Variants in ARFGEF1 observed in about 807,000 individuals in gnomAD.
ARFGEF1 encodes the protein ARF guanine nucleotide exchange factor 1.
Under a neutral mutation model 231.0 loss-of-function variants are expected in ARFGEF1, and 42 were observed. The observed-to-expected ratio is 0.18, with a 90% CI of 0.14 to 0.24. The LOEUF (loss-of-function observed/expected upper bound fraction) is 0.24, where lower values mean the gene tolerates loss of function less well. Among genes scored for constraint, ARFGEF1 ranks in the 10% least tolerant of loss-of-function variants. The pLI is 1.00. For synonymous variants in ARFGEF1, 710 were observed against 732.3 expected (o/e 0.97, Z 0.49); for missense variants, 1,345 against 2,192.0 (o/e 0.61, Z 7.72).
At chr8:67,189,009 G>A (rs1002141013) in intron 5 of ARFGEF1, among the ~76,000 whole-genome samples, 1 of 152,126 alleles carries the variant, frequency 6.6e-6, no homozygotes, top group Non-Finnish European at 1.5e-5. Context: ...CCACCATCTT[G>A]GGAGTTCTAA....
Position 67,198,115 on chromosome 8 carries a change from T to G in ARFGEF1, c.*819A>C. ...ATCTTTAAAAGTCCTAAGAGAAATA[T>G]GTGACAGGTAGTTACTGTCAGTAGG... On this transcript the variant is annotated 3_prime_UTR_variant, in exon 39 of 39. Transcript: ENST00000262215. 1.0e-6 allele frequency: 1 copy of G among 985,810 alleles called. No homozygotes were observed. The highest frequency in any genetic ancestry group is 1.2e-6 in the Non-Finnish European group (1 of 829,920). 61.1% of individuals were successfully genotyped at this position (985,810 alleles called of 1,614,324 possible).
At chr8:67,185,063 C>G (rs540524503) in intron 5 of ARFGEF1, among the ~76,000 whole-genome samples, 2 of 150,518 alleles carry the variant, frequency 1.3e-5, no homozygotes, top group East Asian at 3.9e-4. Context: ...TGAGATCGCA[C>G]CACTGCACTC....
chr8:67,248,412 GTGC>G (rs1663868672), intron 19 of ARFGEF1, among the ~76,000 whole-genome samples: 1 of 150,288 alleles, frequency 6.7e-6, no homozygotes, highest in Non-Finnish European at 1.5e-5. Flanking sequence ...TCAATAAACA[GTGC>G]TGGGAAAACT....
chr8:67,270,186 G>A (rs547558636), intron 10 of ARFGEF1, among the ~76,000 whole-genome samples: 19 of 152,176 alleles, frequency 1.2e-4, no homozygotes, highest in Admixed American at 7.2e-4. Flanking sequence ...CTAGTTAAAC[G>A]CCTTGTATTA....
downstream of ARFGEF1, chr8:67,195,326 A>G: frequency 1.8e-6 from 2 of 1,083,632 alleles, no homozygotes; most frequent in Non-Finnish European, 2.9e-6. Flanking sequence ...ACCTGCGCTT[A>G]TGTCTCCTGC....
chr8:67,310,430 G>A (rs1358937826), intron 1 of ARFGEF1, among the ~76,000 whole-genome samples: 2 of 152,160 alleles, frequency 1.3e-5, no homozygotes, highest in African/African-American at 2.4e-5. Flanking sequence ...GTGCAGTGGC[G>A]TGATCTCGGC....
At position 67,302,161 on chromosome 8, in the gene ARFGEF1, C is replaced by T. The variant is rs532346222; in HGVS notation, c.155+275G>A. On this transcript the variant is annotated intron_variant, in intron 2 of 38. Coordinates refer to ENST00000262215, the MANE Select transcript of ARFGEF1 (RefSeq NM_006421.5). ...TTGCAGTGAGCTGTGATCACACCAC[C>T]GCACTCCAGCCTGGACAACAGAGCG... Among the ~76,000 whole-genome samples the T allele has an allele frequency of 4.6e-5, 7 of 151,868 alleles. No individual in the cohort carries two copies. In the South Asian group the frequency reaches 8.3e-4, roughly 18 times the overall value.
chr8:67,321,449 T>G (rs1461688701), intron 1 of ARFGEF1, among the ~76,000 whole-genome samples: 1 of 151,634 alleles, frequency 6.6e-6, no homozygotes, highest in African/African-American at 2.4e-5. Flanking sequence ...AGAACTTCTG[T>G]TTTTTTTGTT....
rs1265506152 is a variant in ARFGEF1 at position 67,211,058 on chromosome 8, C to CA, written c.4819+424dup. On this transcript the variant is annotated intron_variant, in intron 34 of 38. Transcript: ENST00000262215. Reference sequence around the variant, plus strand: ...GACTCCGTCTCAAAAAAAAAAAAAACAAAAGTGGCCGGGCATAGTGGCTCA... The same window carrying CA: ...GACTCCGTCTCAAAAAAAAAAAAAACAAAAAGTGGCCGGGCATAGTGGCTCA... Among the ~76,000 whole-genome samples, 3 of 109,620 alleles carry CA rather than the reference C, an allele frequency of 2.7e-5. No individual in the cohort carries two copies. In the East Asian group the frequency reaches 8.3e-4, roughly 30 times the overall value. The allele number at this position is 109,620 out of a possible 152,430, so 71.9% of individuals were successfully genotyped here. A position where few individuals can be genotyped will look rare whatever the true frequency, so the allele number is the denominator to read the frequency against.
intron 28 of ARFGEF1, among the ~76,000 whole-genome samples, 198 bp from the exon 29 acceptor site, chr8:67,225,231 C>T (rs1476744660): frequency 1.3e-5 from 2 of 152,098 alleles, no homozygotes; most frequent in South Asian, 2.1e-4. Flanking sequence ...AACATAACTG[C>T]CTATAAAGAG....
intron 26 of ARFGEF1, 64 bp from the exon 27 acceptor site, chr8:67,227,373 T>G (rs1839409962): frequency 3.1e-6 from 5 of 1,597,590 alleles, no homozygotes; most frequent in Non-Finnish European, 4.3e-6. Context: ...TTTTCCCCCT[T>G]TCTTCTGTTT....
chr8:67,240,769 T>TTC (rs1424808567), intron 19 of ARFGEF1, among the ~76,000 whole-genome samples: 40 of 152,322 alleles, frequency 2.6e-4, no homozygotes, highest in African/African-American at 9.1e-4. Context: ...ATATTTTACA[T>TTC]TGAGACATCA....
rs774433086 is a variant in ARFGEF1 at position 67,257,830 on chromosome 8, T to C, written c.2442-14A>G. The C allele has an allele frequency of 1.6e-5, 26 of 1,586,786 alleles. 1 individual carries two copies. In the East Asian group the frequency reaches 2.2e-4, roughly 14 times the overall value. On this transcript the variant is annotated splice_polypyrimidine_tract_variant and intron_variant, in intron 16 of 38. Coordinates refer to ENST00000262215, the MANE Select transcript of ARFGEF1 (RefSeq NM_006421.5). ...AAGAGAGTTTGTCTGGAAAAATAAA[T>C]GTATCATGTTATAAACTTCTACTGT...
downstream of ARFGEF1, among the ~76,000 whole-genome samples, chr8:67,193,889 C>T (rs1837125094): frequency 6.6e-6 from 1 of 152,188 alleles, no homozygotes; most frequent in Non-Finnish European, 1.5e-5. Context: ...AAAGAAAATG[C>T]TATATGATAA....
At chr8:67,233,348 A>G (rs1839614487) in intron 22 of ARFGEF1, among the ~76,000 whole-genome samples, 2 of 151,952 alleles carry the variant, frequency 1.3e-5, no homozygotes, top group East Asian at 3.9e-4. Flanking sequence ...CTAGTCCCCT[A>G]TTTACAAAGG....
Position 67,198,680 on chromosome 8 carries a change from G to C in ARFGEF1, c.*254C>G. The C allele has an allele frequency of 1.7e-6, 2 of 1,190,704 alleles. No homozygotes were observed. The highest frequency in any genetic ancestry group is 2.3e-5 in the South Asian group (1 of 43,224). The allele number at this position is 1,190,704 out of a possible 1,614,324, so 73.8% of individuals were successfully genotyped here. On this transcript the variant is annotated 3_prime_UTR_variant, in exon 39 of 39. Coordinates refer to ENST00000262215, the MANE Select transcript of ARFGEF1 (RefSeq NM_006421.5). ...GGCTTTTCCTGCCGTGGAAGACAGG[G>C]AAGGACCCGTGAGCATGAGCTGACA...
intron 29 of ARFGEF1, among the ~76,000 whole-genome samples, chr8:67,222,194 TATATATATATAC>T (rs1839202951): frequency 7.1e-6 from 1 of 140,822 alleles, no homozygotes; most frequent in Non-Finnish European, 1.5e-5. Context: ...TATATATATA[TATATATATATAC>T]ACACACATAT....
At chr8:67,343,105 G>GGGGCCCCC in intron 1 of ARFGEF1, 59 bp downstream of exon 1, 1 of 483,916 alleles carries the variant, frequency 2.1e-6, no homozygotes, top group Non-Finnish European at 3.2e-6. Flanking sequence ...CCCCCCACAG[G>GGGGCCCCC]CGCCCCCCTC....
At chr8:67,193,697 GAAT>G, downstream of ARFGEF1, 1 of 1,111,652 alleles carries the variant, frequency 9.0e-7, no homozygotes, top group South Asian at 1.5e-5. Flanking sequence ...GGGATAGATG[GAAT>G]GAGTTTGAAG....
Sources: allele counts gnomAD v4.1 joint callset (sites outside exome capture counted in the v4.1 genomes callset), GRCh38; gene constraint gnomAD v4.1.1; transcripts MANE v1.5; gene names NCBI Gene and HGNC (gene_info 2026-07-23, HGNC 2026-07-21).